The following RAVER2 variants were observed in gnomAD, a reference collection of about 807,000 sequenced individuals.
The protein encoded by RAVER2 is ribonucleoprotein, PTB binding 2.
A neutral mutation model predicts 78.1 loss-of-function variants in RAVER2; 46 were observed. That is an observed-to-expected ratio of 0.59 (90% CI 0.46 to 0.75). The LOEUF is 0.75. Ranked by LOEUF, RAVER2 falls within the 30% of genes least tolerant of loss-of-function variation. The pLI is 0.00. For missense variants in RAVER2, 793 were observed against 837.5 expected (o/e 0.95, Z 0.66); for synonymous variants, 311 against 313.3 (o/e 0.99, Z 0.08).
intron 9 of RAVER2, among the ~76,000 whole-genome samples, chr1:64,810,831 A>G (rs756538024): frequency 1.3e-5 from 2 of 152,200 alleles, no homozygotes; most frequent in Non-Finnish European, 2.9e-5. Flanking sequence ...CCCTAGAACA[A>G]CACGGGTTTT....
chr1:64,813,277 G>A (rs187224586), intron 10 of RAVER2, among the ~76,000 whole-genome samples: 2 of 152,334 alleles, frequency 1.3e-5, no homozygotes, highest in East Asian at 3.9e-4. Context: ...CCAGGCACAA[G>A]GATGTTCACT....
exon 4 of RAVER2, chr1:64,781,467 G>A: frequency 6.2e-7 from 1 of 1,614,064 alleles, no homozygotes. Flanking sequence ...CCAGCAGGCA[G>A]CAGACGGTAT....
chr1:64,763,942 A>C (rs1366962642), intron 1 of RAVER2, among the ~76,000 whole-genome samples: 2 of 151,206 alleles, frequency 1.3e-5, no homozygotes, highest in Non-Finnish European at 3.0e-5. Context: ...ACACACACAC[A>C]CACACACACA....
intron 3 of RAVER2, among the ~76,000 whole-genome samples, chr1:64,778,930 G>A (rs1652548846): frequency 1.4e-5 from 2 of 147,230 alleles, no homozygotes; most frequent in African/African-American, 2.5e-5. Flanking sequence ...TAGAAATTTT[G>A]GAGTTGGAGT....
rs1056602031 is a variant in RAVER2 at position 64,745,502 on chromosome 1, C to G, written c.249+81C>G. The G allele has an allele frequency of 2.8e-6, 4 of 1,423,908 alleles. No individual in the cohort carries two copies. Among genetic ancestry groups the G allele is most frequent in the Non-Finnish European group, 3.7e-6 (4 of 1,073,286 alleles). 88.2% of individuals were successfully genotyped at this position (1,423,908 alleles called of 1,614,324 possible). On this transcript the variant is annotated intron_variant, in intron 1 of 11. Coordinates refer to ENST00000294428, the Ensembl canonical transcript of RAVER2. This position sits in a 1 kb window ranked among gnomAD's most constrained non-coding sequence, Gnocchi z 4.3. ...GTGTCCAGGCTGGGATCGGGGGCGC[C>G]TCAGAGCGGTCCTGGGGAGTGGGTC...
At chr1:64,753,892 G>A (rs980632778) in intron 1 of RAVER2, among the ~76,000 whole-genome samples, 3 of 151,826 alleles carry the variant, frequency 2.0e-5, no homozygotes, top group Admixed American at 6.6e-5. Flanking sequence ...AAGTTTCCTC[G>A]CCATCTCATT....
intron 2 of RAVER2, among the ~76,000 whole-genome samples, chr1:64,777,195 G>C (rs888748577): frequency 6.6e-6 from 1 of 151,944 alleles, no homozygotes; most frequent in Non-Finnish European, 1.5e-5. Flanking sequence ...ACTCTTTCTA[G>C]GAAGAAAGAA....
intron 11 of RAVER2, among the ~76,000 whole-genome samples, chr1:64,817,155 G>A (rs1382267048): frequency 1.3e-5 from 2 of 152,176 alleles, no homozygotes; most frequent in African/African-American, 4.8e-5. Flanking sequence ...ATGAAAAAAT[G>A]CTCATCATCA....
In RAVER2 at chr1:64,786,656, G is replaced by A. The variant is rs563333203; in HGVS notation, c.979-2732G>A. 6.6e-4 allele frequency among the ~76,000 whole-genome samples: 101 copies of A among 152,202 alleles called. 1 individual carries two copies. The highest frequency in any genetic ancestry group is 1.4e-3 in the Admixed American group (21 of 15,286). On this transcript the variant is annotated intron_variant, in intron 4 of 11. Coordinates refer to ENST00000294428, the Ensembl canonical transcript of RAVER2. Reference sequence around the variant, plus strand: ...AAATGCAAAAAACTTAGCCAGGTGCGGTGGCAAGCACCTATAATCCCAACT... The same window carrying A: ...AAATGCAAAAAACTTAGCCAGGTGCAGTGGCAAGCACCTATAATCCCAACT...
At chr1:64,797,988 A>G (rs1303276505) in intron 5 of RAVER2, among the ~76,000 whole-genome samples, 1 of 149,676 alleles carries the variant, frequency 6.7e-6, no homozygotes, top group Non-Finnish European at 1.5e-5. Context: ...TTAGTTACAT[A>G]TGTATACATG....
chr1:64,771,213 A>G (rs1652307670), intron 2 of RAVER2, among the ~76,000 whole-genome samples: 1 of 152,030 alleles, frequency 6.6e-6, no homozygotes, highest in Non-Finnish European at 1.5e-5. Flanking sequence ...TAAGATGACC[A>G]TAGATCTTGG....
Position 64,812,679 on chromosome 1 carries a change from T to C in RAVER2, c.1681-59T>C, listed in dbSNP as rs540815377. The C allele has an allele frequency of 9.8e-6, 11 of 1,120,712 alleles. No homozygotes were observed. In the South Asian group the frequency reaches 1.6e-4, roughly 16 times the overall value. The allele number at this position is 1,120,712 out of a possible 1,614,324, so 69.4% of individuals were successfully genotyped here. ...TGAAAAATAAGTATTTCTCTATTCT[T>C]TATTTTTATTTTCGTGTACCTCTCA... On this transcript the variant is annotated intron_variant, in intron 9 of 11. Coordinates refer to ENST00000294428, the Ensembl canonical transcript of RAVER2.
At chr1:64,752,689 T>G (rs1249848457) in intron 1 of RAVER2, among the ~76,000 whole-genome samples, 1 of 152,160 alleles carries the variant, frequency 6.6e-6, no homozygotes, top group Non-Finnish European at 1.5e-5. Flanking sequence ...AGTTCTTCCC[T>G]TTTTCGAGAG....
At chr1:64,822,625 G>A (rs1471103748) in intron 11 of RAVER2, among the ~76,000 whole-genome samples, 1 of 152,210 alleles carries the variant, frequency 6.6e-6, no homozygotes, top group East Asian at 1.9e-4. Context: ...TTGGAAGAGT[G>A]TGGCAGTTCA....
At chr1:64,757,763 A>G (rs1651893857) in intron 1 of RAVER2, among the ~76,000 whole-genome samples, 1 of 152,010 alleles carries the variant, frequency 6.6e-6, no homozygotes, top group Non-Finnish European at 1.5e-5. Context: ...TAGAGAATAT[A>G]TAAATGTGTG....
At chr1:64,820,881 A>G (rs114803872) in intron 11 of RAVER2, among the ~76,000 whole-genome samples, 6,584 of 152,246 alleles carry the variant, frequency 0.043, 312 homozygotes, top group East Asian at 0.2. Context: ...GTGCATGTGT[A>G]TTTATGATAG....
At chr1:64,781,770 A>G (rs1376694812) in intron 4 of RAVER2, among the ~76,000 whole-genome samples, 199 bp downstream of exon 4, 1 of 152,214 alleles carries the variant, frequency 6.6e-6, no homozygotes, top group Admixed American at 6.5e-5. Context: ...GTCATTACCA[A>G]AAAAAGAAAT....
intron 11 of RAVER2, among the ~76,000 whole-genome samples, chr1:64,828,303 G>A (rs945606773): frequency 2.0e-5 from 3 of 152,140 alleles, no homozygotes; most frequent in African/African-American, 7.2e-5. Flanking sequence ...AGCTGTGGGA[G>A]GGCATAGTCC....
chr1:64,829,599 CCCT>C (rs1411377078), intron 11 of RAVER2, among the ~76,000 whole-genome samples: 1 of 152,106 alleles, frequency 6.6e-6, no homozygotes, highest in Non-Finnish European at 1.5e-5. Context: ...AGGGCTGAAC[CCCT>C]CGTCACCATC....
Sources: allele counts gnomAD v4.1 joint callset (sites outside exome capture counted in the v4.1 genomes callset), GRCh38; gene constraint gnomAD v4.1.1; non-coding constraint Gnocchi (gnomAD v3.1); transcripts MANE v1.5; gene names NCBI Gene and HGNC (gene_info 2026-07-23, HGNC 2026-07-21).